Variants in PTPN14 observed in about 807,000 individuals in gnomAD.
PTPN14 encodes protein tyrosine phosphatase non-receptor type 14.
PTPN14 carries 53 observed loss-of-function variants against 126.8 expected under a neutral mutation model. The observed-to-expected ratio is 0.42, with a 90% CI of 0.34 to 0.53. The LOEUF is 0.53. Among genes scored for constraint, PTPN14 ranks in the 20% least tolerant of loss-of-function variants. The pLI, the probability that PTPN14 is intolerant of heterozygous loss-of-function variation, is 0.08. For synonymous variants in PTPN14, 630 were observed against 599.3 expected (o/e 1.05, Z -0.75); for missense variants, 1,257 against 1,552.9 (o/e 0.81, Z 3.20).
chr1:214,540,843 T>G (rs891310020), intron 1 of PTPN14, among the ~76,000 whole-genome samples: 1 of 152,166 alleles, frequency 6.6e-6, no homozygotes, highest in African/African-American at 2.4e-5. Flanking sequence ...TGTAAATCCA[T>G]TAGATTTACA....
intron 3 of PTPN14, among the ~76,000 whole-genome samples, chr1:214,430,278 T>C (rs1318689066): frequency 1.3e-5 from 2 of 152,174 alleles, no homozygotes; most frequent in Non-Finnish European, 2.9e-5. Flanking sequence ...ATAACAGGCT[T>C]ATAGCCCCTG....
intron 1 of PTPN14, among the ~76,000 whole-genome samples, chr1:214,480,364 A>C (rs903746460): frequency 6.6e-5 from 10 of 152,258 alleles, no homozygotes; most frequent in African/African-American, 2.4e-4. Flanking sequence ...GCTTGGAGTC[A>C]AAAGAACCAA....
intron 3 of PTPN14, among the ~76,000 whole-genome samples, chr1:214,425,886 C>G (rs916176284): frequency 6.6e-6 from 1 of 152,026 alleles, no homozygotes; most frequent in African/African-American, 2.4e-5. Flanking sequence ...TAGCCACTAT[C>G]CCATTTATCC....
chr1:214,431,575 G>T (rs1177184734), intron 3 of PTPN14, among the ~76,000 whole-genome samples: 3 of 152,192 alleles, frequency 2.0e-5, no homozygotes, highest in Non-Finnish European at 4.4e-5. Context: ...AAGGCTGGAG[G>T]TAAGAAGACA....
intron 1 of PTPN14, among the ~76,000 whole-genome samples, chr1:214,496,713 A>C (rs1654525590): frequency 6.6e-6 from 1 of 152,218 alleles, no homozygotes; most frequent in Non-Finnish European, 1.5e-5. Flanking sequence ...AGAGATTTTT[A>C]AAGTCCTAAA....
At chr1:214,420,304 C>A (rs1659516267) in intron 3 of PTPN14, among the ~76,000 whole-genome samples, 1 of 152,156 alleles carries the variant, frequency 6.6e-6, no homozygotes, top group Admixed American at 6.5e-5. Flanking sequence ...TGCATATACC[C>A]AAACACAGAC....
At chr1:214,475,108 C>G (rs941555198) in intron 1 of PTPN14, among the ~76,000 whole-genome samples, 1 of 152,154 alleles carries the variant, frequency 6.6e-6, no homozygotes, top group Non-Finnish European at 1.5e-5. Context: ...TCACCATTCT[C>G]TACAGCTTTG....
chr1:214,434,193 A>G (rs138630798), intron 3 of PTPN14, among the ~76,000 whole-genome samples: 9 of 152,250 alleles, frequency 5.9e-5, no homozygotes, highest in Non-Finnish European at 1.3e-4. Flanking sequence ...TGCACAGCAA[A>G]TATAAAGAGG....
intron 3 of PTPN14, among the ~76,000 whole-genome samples, chr1:214,449,302 G>A (rs61819596): frequency 0.083 from 12,676 of 152,140 alleles, 685 homozygotes; most frequent in Middle Eastern, 0.12. Flanking sequence ...CACCGCGCCC[G>A]GCCGACTTAA....
chr1:214,404,691 G>A (rs776530589), intron 5 of PTPN14, among the ~76,000 whole-genome samples: 5 of 152,146 alleles, frequency 3.3e-5, no homozygotes, highest in African/African-American at 4.8e-5. Context: ...GGGAGAGTGC[G>A]AGCATGGCCC....
At chr1:214,481,007 A>G (rs1431344785) in intron 1 of PTPN14, among the ~76,000 whole-genome samples, 1 of 152,126 alleles carries the variant, frequency 6.6e-6, no homozygotes, top group Non-Finnish European at 1.5e-5. Flanking sequence ...CCATCCACAC[A>G]CTGTTCTAGG....
At chr1:214,427,397 A>T (rs1397611676) in intron 3 of PTPN14, among the ~76,000 whole-genome samples, 1 of 152,194 alleles carries the variant, frequency 6.6e-6, no homozygotes, top group East Asian at 1.9e-4. Context: ...AAAAGCTGTC[A>T]GATTCTATTA....
intron 2 of PTPN14, 103 bp from the exon 3 acceptor site, chr1:214,452,077 C>T (rs1407773067): frequency 1.5e-6 from 2 of 1,314,938 alleles, no homozygotes; most frequent in African/African-American, 3.0e-5. Flanking sequence ...CCTGGGTTCC[C>T]CAGCCCATAT....
At chr1:214,461,726 C>T (rs769617032) in intron 2 of PTPN14, among the ~76,000 whole-genome samples, 5 of 152,102 alleles carry the variant, frequency 3.3e-5, no homozygotes, top group African/African-American at 1.2e-4. Flanking sequence ...AGGAAGATCA[C>T]GTGAGCCAGG....
chr1:214,505,392 G>A (rs923555984), intron 1 of PTPN14, among the ~76,000 whole-genome samples: 1 of 152,126 alleles, frequency 6.6e-6, no homozygotes, highest in Non-Finnish European at 1.5e-5. Context: ...ATTCCAAAGG[G>A]AGGTCAGATA....
intron 7 of PTPN14, among the ~76,000 whole-genome samples, chr1:214,398,655 T>A (rs916407688): frequency 6.7e-6 from 1 of 149,076 alleles, no homozygotes; most frequent in Non-Finnish European, 1.5e-5. Context: ...GGTCTTGCTA[T>A]GCTGCCCAGG....
At chr1:214,393,377 C>G (rs1658802033) in intron 10 of PTPN14, among the ~76,000 whole-genome samples, 1 of 152,150 alleles carries the variant, frequency 6.6e-6, no homozygotes, top group Non-Finnish European at 1.5e-5. Flanking sequence ...GAAGGGGCAC[C>G]CTGGCAAATT....
chr1:214,529,953 A>G (rs1655498273), intron 1 of PTPN14: 1 of 152,234 alleles, frequency 6.6e-6, no homozygotes, highest in Admixed American at 6.5e-5. Flanking sequence ...TATGTTTTAA[A>G]AAGCTATTCC....
intron 1 of PTPN14, among the ~76,000 whole-genome samples, chr1:214,501,017 TA>T (rs1446905110): frequency 2.0e-5 from 3 of 152,184 alleles, no homozygotes; most frequent in African/African-American, 7.2e-5. Context: ...TTGAGAAAAC[TA>T]AATATAGCAA....
Sources: gnomAD v4.1 joint callset for allele counts (sites outside exome capture counted in the v4.1 genomes callset) on GRCh38, gnomAD v4.1.1 for gene constraint, MANE v1.5 for transcripts, NCBI Gene and HGNC (gene_info 2026-07-23, HGNC 2026-07-21) for gene names.